DPH6: variants seen among roughly 807,000 people sequenced by gnomAD.
DPH6 encodes diphthine--ammonia ligase.
A neutral mutation model predicts 38.2 loss-of-function variants in DPH6; 33 were observed. That is an observed-to-expected ratio of 0.86 (90% CI 0.65 to 1.15). DPH6 has a LOEUF of 1.15. Among genes scored for constraint, DPH6 ranks in the 50% most tolerant of loss-of-function variants. DPH6 has a pLI of 0.00. For missense variants in DPH6, 325 were observed against 320.0 expected, an observed-to-expected ratio of 1.02 and a Z score of -0.12; for synonymous variants, 108 against 103.0, an observed-to-expected ratio of 1.05 and a Z score of -0.30.
At chr15:35,332,255 G>C (rs1337107399) in intron 3 of DPH6, among the ~76,000 whole-genome samples, 2 of 152,128 alleles carry the variant, frequency 1.3e-5, no homozygotes, top group Non-Finnish European at 2.9e-5. Context: ...GTGTGTGAGT[G>C]TAAGTGGGTT....
chr15:35,300,833 A>T (rs1198331754), intron 3 of DPH6, among the ~76,000 whole-genome samples: 2 of 152,176 alleles, frequency 1.3e-5, no homozygotes, highest in African/African-American at 4.8e-5. Context: ...GTAAGCTTAC[A>T]GGCACACATG....
chr15:35,380,627 C>T (rs1460537688), intron 7 of DPH6, among the ~76,000 whole-genome samples: 1 of 152,016 alleles, frequency 6.6e-6, no homozygotes, highest in East Asian at 1.9e-4. Context: ...CACTAGCTTG[C>T]AAATGTTTTT....
intron 3 of DPH6, among the ~76,000 whole-genome samples, chr15:35,460,949 C>G (rs984546699): frequency 6.7e-6 from 1 of 149,530 alleles, no homozygotes; most frequent in Non-Finnish European, 1.5e-5. Flanking sequence ...ATTTCCACAC[C>G]TATCTGTAGG....
chr15:35,285,423 G>T (rs1439198273), intron 3 of DPH6, among the ~76,000 whole-genome samples: 1 of 152,068 alleles, frequency 6.6e-6, no homozygotes, highest in African/African-American at 2.4e-5. Context: ...AGATCTGATG[G>T]TTTTATAAAG....
downstream of DPH6, among the ~76,000 whole-genome samples, chr15:35,214,119 A>T (rs1370938014): frequency 2.0e-5 from 3 of 152,110 alleles, no homozygotes; most frequent in Non-Finnish European, 4.4e-5. Flanking sequence ...CTCAAAAAAA[A>T]AAAAAAAAGG....
intron 3 of DPH6, among the ~76,000 whole-genome samples, chr15:35,357,547 C>T (rs999527242): frequency 2.6e-5 from 4 of 152,208 alleles, no homozygotes; most frequent in Admixed American, 1.3e-4. Flanking sequence ...AGATTGAAAG[C>T]TCCTTTTAGT....
chr15:35,352,204 T>C (rs2052518698), intron 3 of DPH6, among the ~76,000 whole-genome samples: 1 of 152,212 alleles, frequency 6.6e-6, no homozygotes, highest in Admixed American at 6.5e-5. Context: ...TTCATATGCA[T>C]TTGTATTATT....
rs531523675 is a variant in DPH6, at chr15:35,332,974, A to G, written n.208-1897T>C. On this transcript the variant is annotated intron_variant and non_coding_transcript_variant, in intron 3 of 3. Coordinates refer to the DPH6 transcript ENST00000558973. ...GTCCTCTTCCTTTGTTAAAGAAAGG[A>G]TGTTATCCTCATACAGTTCACTTCA... is the stretch of plus-strand genomic sequence containing the variant. Among the ~76,000 whole-genome samples the G allele has an allele frequency of 4.6e-5, 7 of 152,182 alleles. No homozygotes were observed. In the East Asian group the frequency reaches 1.4e-3, roughly 29 times the overall value.
intron 3 of DPH6, among the ~76,000 whole-genome samples, chr15:35,269,327 T>C (rs1195672407): frequency 6.6e-6 from 1 of 152,218 alleles, no homozygotes; most frequent in Non-Finnish European, 1.5e-5. Context: ...TTATATGGTC[T>C]GATTAAATCT....
At chr15:35,197,430 T>C in the DPH6 span, among the ~76,000 whole-genome samples, 1 of 152,194 alleles carries the variant, frequency 6.6e-6, no homozygotes, top group Non-Finnish European at 1.5e-5. Flanking sequence ...TCCATGGCTT[T>C]TTAGTATAAT....
At chr15:35,177,508 C>T in the DPH6 span, among the ~76,000 whole-genome samples, 1 of 146,282 alleles carries the variant, frequency 6.8e-6, no homozygotes, top group Non-Finnish European at 1.5e-5. Flanking sequence ...ATTGCTCAAA[C>T]TCAGGAGTTT....
intron 2 of DPH6, 36 bp from the exon 3 acceptor site, chr15:35,538,503 G>A: frequency 7.0e-7 from 1 of 1,421,838 alleles, no homozygotes; most frequent in East Asian, 2.5e-5. Flanking sequence ...TAGCAAAAGA[G>A]AGTGAAAAAG....
the DPH6 span, among the ~76,000 whole-genome samples, chr15:35,158,413 T>C: frequency 7.4e-3 from 1,122 of 152,200 alleles, 7 homozygotes; most frequent in Admixed American, 0.011. Context: ...AAATGTAATA[T>C]GATTCATTTT....
At chr15:35,320,589 G>T (rs2052231833) in intron 3 of DPH6, among the ~76,000 whole-genome samples, 1 of 152,184 alleles carries the variant, frequency 6.6e-6, no homozygotes, top group Admixed American at 6.6e-5. Flanking sequence ...TGGCTTCCCA[G>T]ACACAGCCTA....
intron 3 of DPH6, among the ~76,000 whole-genome samples, chr15:35,339,284 C>T (rs2052401963): frequency 6.6e-6 from 1 of 151,356 alleles, no homozygotes; most frequent in Non-Finnish European, 1.5e-5. Flanking sequence ...TCATTAGTTT[C>T]AAAGAACTTC....
chr15:35,491,883 C>T (rs572326107), intron 3 of DPH6, among the ~76,000 whole-genome samples: 20 of 150,628 alleles, frequency 1.3e-4, no homozygotes, highest in Middle Eastern at 3.5e-3. Flanking sequence ...TATATATACA[C>T]GTACATATAT....
chr15:35,534,832 A>G (rs1049298197), intron 3 of DPH6, among the ~76,000 whole-genome samples: 4 of 152,172 alleles, frequency 2.6e-5, no homozygotes, highest in Non-Finnish European at 5.9e-5. Context: ...TTTGACATCA[A>G]GTTTTCTCCC....
At chr15:35,314,074 A>G (rs1277514156) in intron 3 of DPH6, among the ~76,000 whole-genome samples, 1 of 151,938 alleles carries the variant, frequency 6.6e-6, no homozygotes, top group Non-Finnish European at 1.5e-5. Flanking sequence ...GCCAGAATAT[A>G]TAAGGAGCTC....
the DPH6 span, among the ~76,000 whole-genome samples, chr15:35,161,531 C>T: frequency 6.6e-6 from 1 of 151,882 alleles, no homozygotes; most frequent in Non-Finnish European, 1.5e-5. Flanking sequence ...TGTGTCTCCC[C>T]CAAGTTCATA....
Sources: allele counts gnomAD v4.1 joint callset (sites outside exome capture counted in the v4.1 genomes callset), GRCh38; gene constraint gnomAD v4.1.1; transcripts MANE v1.5; gene names NCBI Gene and HGNC (gene_info 2026-07-23, HGNC 2026-07-21).